TNKS: variants seen among roughly 807,000 people sequenced by gnomAD.
TNKS encodes the protein tankyrase, also known as poly [ADP-ribose] polymerase tankyrase-1.
Under a neutral mutation model 135.8 loss-of-function variants are expected in TNKS, and 72 were observed. The ratio of observed to expected loss-of-function variants is 0.53; its 90% CI spans 0.44 to 0.64. The LOEUF (loss-of-function observed/expected upper bound fraction) is 0.64. TNKS is among the 30% of genes least tolerant of loss of function. The pLI is 0.00. For synonymous variants in TNKS, 849 were observed against 649.3 expected, an observed-to-expected ratio of 1.31 and a Z score of -4.68; for missense variants, 1,769 against 1,674.0, an observed-to-expected ratio of 1.06 and a Z score of -0.99.
chr8:9,688,998 A>C (rs1803139127), intron 5 of TNKS, among the ~76,000 whole-genome samples: 1 of 152,020 alleles, frequency 6.6e-6, no homozygotes. Flanking sequence ...TGAGGTTCCC[A>C]CCCTTATGAC....
intron 15 of TNKS, 99 bp from the exon 16 acceptor site, chr8:9,734,766 C>A: frequency 9.7e-7 from 1 of 1,032,416 alleles, no homozygotes; most frequent in Non-Finnish European, 1.4e-6. Context: ...TAGATATCTT[C>A]CCCAGAGGAA....
chr8:9,681,665 T>G (rs1383925077), intron 5 of TNKS, among the ~76,000 whole-genome samples: 1 of 152,114 alleles, frequency 6.6e-6, no homozygotes, highest in Non-Finnish European at 1.5e-5. Context: ...TCTTTTGAAA[T>G]TATTTACAGT....
At position 9,556,095 on chromosome 8, in the gene TNKS, C is replaced by A; in HGVS notation, c.156C>A (p.Gly52=). 6.2e-7 allele frequency: 1 copy of A among 1,601,828 alleles called. No individual in the cohort carries two copies. Among genetic ancestry groups the A allele is most frequent in the Admixed American group, 1.7e-5 (1 of 59,222 alleles). Residue 52 remains glycine, a synonymous_variant, in exon 1 of 27, where the codon GGC becomes GGA. Transcript: ENST00000310430. ...GTTPASPTAS[G]LAPFASPRHG... is the part of the protein sequence containing the mutation. The stretch of plus-strand genomic sequence containing the variant: ...CCCCAGCCTCTCCCACGGCCAGCGG[C>A]CTGGCCCCCTTCGCCTCCCCGCGGC...
At chr8:9,631,554 G>A (rs1211943150) in intron 3 of TNKS, among the ~76,000 whole-genome samples, 3 of 152,148 alleles carry the variant, frequency 2.0e-5, no homozygotes, top group Non-Finnish European at 2.9e-5. Flanking sequence ...CTATTTGGTA[G>A]ACTTAGTTAT....
intron 1 of TNKS, 120 bp from the exon 2 acceptor site, chr8:9,580,039 C>A (rs1798108951): frequency 1.3e-6 from 1 of 759,992 alleles, no homozygotes. Flanking sequence ...TGTTTTACAC[C>A]ATTTACTATA....
At chr8:9,750,378 C>T (rs547030516) in intron 18 of TNKS, among the ~76,000 whole-genome samples, 6 of 152,198 alleles carry the variant, frequency 3.9e-5, no homozygotes, top group Non-Finnish European at 7.3e-5. Flanking sequence ...GTTCCTTTCT[C>T]TCTTCCTGTA....
chr8:9,568,073 A>G (rs1319865199), intron 1 of TNKS, among the ~76,000 whole-genome samples: 1 of 152,208 alleles, frequency 6.6e-6, no homozygotes, highest in African/African-American at 2.4e-5. Flanking sequence ...TATGTTGAGG[A>G]TACTCTTTTC....
chr8:9,747,055 G>A (rs760014585), intron 17 of TNKS, among the ~76,000 whole-genome samples: 1 of 151,620 alleles, frequency 6.6e-6, no homozygotes, highest in Non-Finnish European at 1.5e-5. Context: ...GCTAATTTTT[G>A]TATTTTTGGT....
intron 2 of TNKS, among the ~76,000 whole-genome samples, chr8:9,603,147 G>A (rs1799081664): frequency 6.6e-6 from 1 of 151,986 alleles, no homozygotes; most frequent in Non-Finnish European, 1.5e-5. Context: ...CCATCTCCCA[G>A]TTTCAGGCCA....
At chr8:9,719,032 CAA>C (rs1804740055) in intron 11 of TNKS, among the ~76,000 whole-genome samples, 1 of 152,142 alleles carries the variant, frequency 6.6e-6, no homozygotes, top group Admixed American at 6.5e-5. Context: ...GAAGAAGTAA[CAA>C]AGAAATCAAA....
At chr8:9,626,278 C>T (rs1452224863) in intron 3 of TNKS, among the ~76,000 whole-genome samples, 3 of 152,126 alleles carry the variant, frequency 2.0e-5, no homozygotes, top group African/African-American at 7.2e-5. Flanking sequence ...TTTCAACCTG[C>T]CAATATCATT....
At chr8:9,718,985 T>C (rs1230137601) in intron 11 of TNKS, among the ~76,000 whole-genome samples, 1 of 152,194 alleles carries the variant, frequency 6.6e-6, no homozygotes, top group East Asian at 1.9e-4. Context: ...ATGTTAATGA[T>C]TAGAATGTTC....
intron 3 of TNKS, among the ~76,000 whole-genome samples, chr8:9,665,742 A>G (rs959119406): frequency 6.6e-6 from 1 of 152,170 alleles, no homozygotes; most frequent in Non-Finnish European, 1.5e-5. Context: ...AGCATGGTGC[A>G]AGGATTCTTC....
At position 9,777,796 on chromosome 8, in the gene TNKS, T is replaced by G. The variant is rs922373525; in HGVS notation, c.*1060T>G. On this transcript the variant is annotated 3_prime_UTR_variant, in exon 27 of 27. Transcript: ENST00000310430. ...TCAAAAGTCAGTGAAATTACTGCAC[T>G]TGATGAGGGTCACAAAAATACCACT... 2 of 152,342 alleles carry G rather than the reference T, an allele frequency of 1.3e-5. No individual in the cohort carries two copies. The highest frequency in any genetic ancestry group is 2.9e-5 in the Non-Finnish European group (2 of 68,032). 9.4% of individuals were successfully genotyped at this position (152,342 alleles called of 1,614,324 possible). A position where few individuals can be genotyped will look rare whatever the true frequency, so the allele number is the denominator to read the frequency against.
chr8:9,633,709 A>G (rs996084806), intron 3 of TNKS, among the ~76,000 whole-genome samples: 1 of 152,228 alleles, frequency 6.6e-6, no homozygotes, highest in Non-Finnish European at 1.5e-5. Flanking sequence ...TTGCTCCGGA[A>G]GCAGCAAACT....
intron 2 of TNKS, among the ~76,000 whole-genome samples, chr8:9,600,339 G>A (rs1798967414): frequency 6.6e-6 from 1 of 151,730 alleles, no homozygotes; most frequent in African/African-American, 2.4e-5. Flanking sequence ...TTTGAGATGG[G>A]GTCTCACTCT....
Position 9,778,305 on chromosome 8 carries a change from C to T in TNKS, c.*1569C>T, listed in dbSNP as rs1185647832. On this transcript the variant is annotated 3_prime_UTR_variant, in exon 27 of 27. Coordinates refer to ENST00000310430, the MANE Select transcript of TNKS (RefSeq NM_003747.3). ...GAGGAATAGGAAAGACAGTGTGACA[C>T]AAACTTGCCATTGCAATTCAAAGCC... The T allele has an allele frequency of 6.6e-6, 1 of 152,300 alleles. No individual in the cohort carries two copies. The highest frequency in any genetic ancestry group is 2.4e-5 in the African/African-American group (1 of 41,444). 9.4% of individuals were successfully genotyped at this position (152,300 alleles called of 1,614,324 possible).
At chr8:9,577,591 G>A (rs1264114406) in intron 1 of TNKS, among the ~76,000 whole-genome samples, 1 of 152,114 alleles carries the variant, frequency 6.6e-6, no homozygotes, top group Non-Finnish European at 1.5e-5. Flanking sequence ...ACCAGATCTT[G>A]TGAGAACTCA....
chr8:9,691,948 ATTG>A (rs1402073022), intron 5 of TNKS, among the ~76,000 whole-genome samples: 2 of 152,164 alleles, frequency 1.3e-5, no homozygotes, highest in Non-Finnish European at 2.9e-5. Flanking sequence ...CTAATGAATT[ATTG>A]TTGTTCATTT....
Sources: allele counts gnomAD v4.1 joint callset (sites outside exome capture counted in the v4.1 genomes callset), GRCh38; gene constraint gnomAD v4.1.1; transcripts MANE v1.5; gene names NCBI Gene and HGNC (gene_info 2026-07-23, HGNC 2026-07-21).